Variants in GK5 observed in about 807,000 individuals in gnomAD.
GK5 encodes glycerol kinase 5.
GK5 carries 39 observed loss-of-function variants against 77.3 expected under a neutral mutation model. That is an observed-to-expected ratio of 0.50 (90% CI 0.39 to 0.66). The LOEUF (loss-of-function observed/expected upper bound fraction) is 0.66. Ranked by LOEUF, GK5 falls within the 30% of genes least tolerant of loss-of-function variation. The pLI, the probability that GK5 is intolerant of heterozygous loss-of-function variation, is 0.00. For missense variants in GK5, 487 were observed against 633.8 expected (o/e 0.77, Z 2.49); for synonymous variants, 211 against 208.0 (o/e 1.01, Z -0.13).
chr3:142,204,252 A>C (rs2064069811), intron 4 of GK5: 2 of 230,426 alleles, frequency 8.7e-6, no homozygotes, highest in Admixed American at 1.0e-4. Context: ...TTCTGGCCTC[A>C]AGCAATCCCC....
chr3:142,185,631 C>T (rs959558553), intron 9 of GK5: 1 of 1,169,352 alleles, frequency 8.6e-7, no homozygotes. Context: ...AAACTAAATA[C>T]CACTCAGAAT....
chr3:142,186,052 C>G (rs959347261), intron 8 of GK5, 63 bp from the exon 9 acceptor site: 2 of 1,408,384 alleles, frequency 1.4e-6, no homozygotes, highest in African/African-American at 1.4e-5. Context: ...TAAAACTCAG[C>G]AAATTGTTTT....
At chr3:142,213,493 A>C in intron 3 of GK5, 33 bp downstream of exon 3, 1 of 1,243,288 alleles carries the variant, frequency 8.0e-7, no homozygotes, top group Non-Finnish European at 1.2e-6. Context: ...GCATGAACCC[A>C]GCAGTAGGGT....
chr3:142,184,761 G>T, intron 9 of GK5: 1 of 597,786 alleles, frequency 1.7e-6, no homozygotes, highest in Non-Finnish European at 2.1e-6. Context: ...ACTTGAACCC[G>T]AGAGGCGGAG....
chr3:142,201,440 T>G (rs980658229), intron 4 of GK5, among the ~76,000 whole-genome samples: 2 of 152,164 alleles, frequency 1.3e-5, no homozygotes, highest in African/African-American at 4.8e-5. Context: ...AGAACATTTT[T>G]TAAATGGAGG....
intron 1 of GK5, among the ~76,000 whole-genome samples, chr3:142,219,714 G>A (rs1354174034): frequency 6.6e-6 from 1 of 152,156 alleles, no homozygotes; most frequent in African/African-American, 2.4e-5. Flanking sequence ...TGGATGCAGT[G>A]GCCTGTAATC....
chr3:142,189,189 G>A (rs1195224949), intron 5 of GK5, among the ~76,000 whole-genome samples: 1 of 152,036 alleles, frequency 6.6e-6, no homozygotes, highest in Non-Finnish European at 1.5e-5. Context: ...CAACACCTAG[G>A]GAGGTTCCCA....
rs544297485 is a variant in GK5 at position 142,165,295 on chromosome 3, A to G, written c.*327T>C. ...CTATTAGCTTGGATGGTAAATCATT[A>G]TGTTCCTATGTACCACTGACCCAGT... is the stretch of plus-strand genomic sequence containing the variant. On this transcript the variant is annotated 3_prime_UTR_variant, in exon 16 of 16. Coordinates refer to ENST00000392993, the MANE Select transcript of GK5 (RefSeq NM_001039547.3). 1.6e-5 allele frequency: 3 copies of G among 187,392 alleles called. No homozygotes were observed. Among genetic ancestry groups the G allele is most frequent in the Non-Finnish European group, 3.3e-5 (3 of 91,878 alleles). 11.6% of individuals were successfully genotyped at this position (187,392 alleles called of 1,614,324 possible).
intron 5 of GK5, among the ~76,000 whole-genome samples, chr3:142,194,931 G>A (rs910560158): frequency 5.9e-4 from 89 of 151,482 alleles, no homozygotes; most frequent in Non-Finnish European, 2.4e-4. Context: ...AGTGGTGAGA[G>A]TGGAAATCTT....
In GK5 at chr3:142,199,009, G is replaced by T. The variant is rs565591823; in HGVS notation, c.412-76C>A. Reference sequence around the variant, plus strand: ...ATTTCCACATCAATTCTATATACATGCAAACAAACCCAATAACAAGTCATT... The same window carrying T: ...ATTTCCACATCAATTCTATATACATTCAAACAAACCCAATAACAAGTCATT... On this transcript the variant is annotated intron_variant, in intron 4 of 15. Transcript: ENST00000392993. 8.6e-6 allele frequency: 9 copies of T among 1,045,202 alleles called. No individual in the cohort carries two copies. The African/African-American group carries it at 1.1e-4, about 13-fold the overall frequency. 64.7% of individuals were successfully genotyped at this position (1,045,202 alleles called of 1,614,324 possible).
chr3:142,215,564 A>G (rs1260624323), intron 2 of GK5, 35 bp downstream of exon 2: 6 of 1,154,302 alleles, frequency 5.2e-6, no homozygotes, highest in South Asian at 1.4e-5. Flanking sequence ...AAAAAAAACC[A>G]TAAAGATTAT....
intron 3 of GK5, among the ~76,000 whole-genome samples, chr3:142,207,332 T>G (rs1233895140): frequency 6.6e-6 from 1 of 152,168 alleles, no homozygotes; most frequent in Non-Finnish European, 1.5e-5. Context: ...TTCTGAGAAT[T>G]TCTGGTCTAA....
At chr3:142,180,624 T>G (rs1172021208) in intron 11 of GK5, among the ~76,000 whole-genome samples, 1 of 152,142 alleles carries the variant, frequency 6.6e-6, no homozygotes, top group Non-Finnish European at 1.5e-5. Flanking sequence ...CTTTGTTTCC[T>G]TTCTTTCCCT....
At chr3:142,195,129 G>GTT (rs1250548247) in intron 5 of GK5, among the ~76,000 whole-genome samples, 1 of 151,286 alleles carries the variant, frequency 6.6e-6, no homozygotes, top group Non-Finnish European at 1.5e-5. Context: ...ATGATCATGT[G>GTT]TTTTTTTGTC....
chr3:142,224,957 T>C (rs2064406364), intron 1 of GK5, among the ~76,000 whole-genome samples: 1 of 152,188 alleles, frequency 6.6e-6, no homozygotes, highest in African/African-American at 2.4e-5. Context: ...TCTGGCTGGA[T>C]GTGCACAGCC....
chr3:142,213,023 ACG>A, intron 3 of GK5, among the ~76,000 whole-genome samples: 1 of 151,342 alleles, frequency 6.6e-6, no homozygotes, highest in East Asian at 1.9e-4. Context: ...TTTAGTAGAG[ACG>A]GGGTTTCACC....
In GK5 at chr3:142,165,662, T is replaced by G; in HGVS notation, c.1550A>C (p.Lys517Thr). 2.5e-6 allele frequency: 4 copies of G among 1,613,132 alleles called. No homozygotes were observed. The highest frequency in any genetic ancestry group is 3.4e-6 in the Non-Finnish European group (4 of 1,179,668). Residue 517 changes from lysine to threonine, a missense_variant, in exon 16 of 16, where the codon AAA becomes ACA. Lys to Thr is a moderately conservative substitution (Grantham distance 78). Coordinates refer to ENST00000392993, the MANE Select transcript of GK5 (RefSeq NM_001039547.3). ...EYEMSLENWA[K>T]AVKRSMNWYN... ...CCAATTCATGGAGCGTTTCACTGCTTTGGCCCAGTTTTCCAGACTCATTTC... is the reference window on the plus strand; with the variant it reads ...CCAATTCATGGAGCGTTTCACTGCTGTGGCCCAGTTTTCCAGACTCATTTC...
rs1241003150 is a variant in GK5 at position 142,170,367 on chromosome 3, T to A, written c.1399A>T (p.Met467Leu). The A allele has an allele frequency of 6.2e-7, 1 of 1,613,990 alleles. No individual in the cohort carries two copies. Among genetic ancestry groups the A allele is most frequent in the African/African-American group, 1.3e-5 (1 of 74,936 alleles). ...AGAGAAGCTGCACCCAGGCATGACA[T>A]GTCAATGTCGGCAGGTCTGTCTATA... Reference protein sequence around the residue: ...ENIDRPADIDMSCLGAASLAG... With the variant: ...ENIDRPADIDLSCLGAASLAG... Residue 467 changes from methionine to leucine, a missense_variant, in exon 15 of 16, where the codon ATG becomes TTG. Transcript: ENST00000392993.
chr3:142,211,594 A>C (rs12695750), intron 3 of GK5, among the ~76,000 whole-genome samples: 108,397 of 152,014 alleles, frequency 0.71, 39,291 homozygotes, highest in African/African-American at 0.84. Context: ...GAGTTCAAGA[A>C]CAGTCTAGGC....
Sources: gnomAD v4.1 joint callset for allele counts (sites outside exome capture counted in the v4.1 genomes callset) on GRCh38, gnomAD v4.1.1 for gene constraint, MANE v1.5 for transcripts, NCBI Gene and HGNC (gene_info 2026-07-23, HGNC 2026-07-21) for gene names.